PAN3: variants seen among roughly 807,000 people sequenced by gnomAD.
PAN3 encodes the protein poly(A) specific ribonuclease subunit PAN3.
PAN3 carries 19 observed loss-of-function variants against 96.2 expected under a neutral mutation model. The observed-to-expected ratio is 0.20, with a 90% CI of 0.14 to 0.29. The LOEUF (loss-of-function observed/expected upper bound fraction) is 0.29, where lower values mean the gene tolerates loss of function less well. PAN3 is among the 10% of genes least tolerant of loss of function. The probability of loss-of-function intolerance (pLI) is 1.00; values close to 1 mark genes in which losing one functional copy is unlikely to be tolerated. For missense variants in PAN3, 882 were observed against 1,108.1 expected, an observed-to-expected ratio of 0.80 and a Z score of 2.90; for synonymous variants, 433 against 406.6, an observed-to-expected ratio of 1.06 and a Z score of -0.78.
intron 12 of PAN3, among the ~76,000 whole-genome samples, chr13:28,268,006 T>C (rs925840777): frequency 6.6e-6 from 1 of 152,226 alleles, no homozygotes; most frequent in African/African-American, 2.4e-5. Flanking sequence ...CACATAGATA[T>C]CAGATATTTA....
intron 5 of PAN3, chr13:28,215,431 A>C: frequency 1.4e-6 from 1 of 705,002 alleles, no homozygotes; most frequent in Non-Finnish European, 2.6e-6. Flanking sequence ...TGGAGACATT[A>C]TGGGCTTCAA....
chr13:28,185,590 G>A (rs1285168876), intron 4 of PAN3, among the ~76,000 whole-genome samples: 3 of 152,058 alleles, frequency 2.0e-5, no homozygotes, highest in Non-Finnish European at 4.4e-5. Flanking sequence ...GAGCTCTCAT[G>A]AGTTTGTTTT....
chr13:28,262,316 T>C (rs1331751745), intron 9 of PAN3, among the ~76,000 whole-genome samples: 1 of 152,236 alleles, frequency 6.6e-6, no homozygotes, highest in African/African-American at 2.4e-5. Flanking sequence ...TTACTCTGTA[T>C]AAATGAAATA....
intron 17 of PAN3, among the ~76,000 whole-genome samples, chr13:28,282,176 A>G (rs891743640): frequency 1.5e-4 from 23 of 152,196 alleles, no homozygotes; most frequent in Non-Finnish European, 2.9e-4. Context: ...AGTTAATGTT[A>G]ACCATATATA....
chr13:28,202,456 C>T (rs1878842780), intron 5 of PAN3, among the ~76,000 whole-genome samples: 1 of 152,086 alleles, frequency 6.6e-6, no homozygotes, highest in Admixed American at 6.5e-5. Context: ...TTTATCTCTT[C>T]ATATCCATCC....
At chr13:28,252,282 A>G (rs1566229711) in intron 6 of PAN3, among the ~76,000 whole-genome samples, 1 of 142,332 alleles carries the variant, frequency 7.0e-6, no homozygotes, top group Non-Finnish European at 1.5e-5. Context: ...TAACATTGGT[A>G]GGGGTTGAGG....
chr13:28,277,992 TG>T (rs1887194227), intron 15 of PAN3, among the ~76,000 whole-genome samples: 1 of 152,052 alleles, frequency 6.6e-6, no homozygotes, highest in Non-Finnish European at 1.5e-5. Context: ...TGTGGACTAC[TG>T]TCACAACAGA....
intron 8 of PAN3, 51 bp from the exon 9 acceptor site, chr13:28,261,350 C>T (rs746590890): frequency 4.6e-6 from 6 of 1,310,832 alleles, no homozygotes; most frequent in Admixed American, 4.2e-5. Flanking sequence ...ATAGGAATTC[C>T]AGGTTTCAGA....
At chr13:28,194,763 C>G (rs142656130) in intron 4 of PAN3, among the ~76,000 whole-genome samples, 1,558 of 152,096 alleles carry the variant, frequency 0.01, 24 homozygotes, top group African/African-American at 0.035. Flanking sequence ...AGCCACCGTT[C>G]CCGGCCAAAT....
intron 5 of PAN3, chr13:28,214,913 T>C: frequency 8.7e-7 from 1 of 1,152,644 alleles, no homozygotes. Flanking sequence ...ATGGGCAGGC[T>C]GGCGACCATG....
intron 4 of PAN3, among the ~76,000 whole-genome samples, chr13:28,182,663 C>T (rs981113518): frequency 6.6e-6 from 1 of 152,098 alleles, no homozygotes; most frequent in African/African-American, 2.4e-5. Flanking sequence ...CCAAAGGGAG[C>T]TGGCTGGTTC....
At chr13:28,233,348 C>T (rs931230981) in intron 6 of PAN3, among the ~76,000 whole-genome samples, 1 of 151,118 alleles carries the variant, frequency 6.6e-6, no homozygotes, top group Non-Finnish European at 1.5e-5. Context: ...CTCACTGCAA[C>T]CTTGGCCTCC....
chr13:28,173,142 A>G (rs570189056), intron 1 of PAN3, among the ~76,000 whole-genome samples: 1 of 152,218 alleles, frequency 6.6e-6, no homozygotes, highest in African/African-American at 2.4e-5. Context: ...GTTAATTTAT[A>G]GCTACTTACG....
chr13:28,209,767 G>T (rs776040238), intron 5 of PAN3, among the ~76,000 whole-genome samples: 5 of 151,488 alleles, frequency 3.3e-5, no homozygotes, highest in African/African-American at 4.9e-5. Flanking sequence ...CTGCCTGCCT[G>T]CCTGCCTTTC....
chr13:28,154,606 C>T (rs756426892), intron 1 of PAN3, among the ~76,000 whole-genome samples: 8 of 151,926 alleles, frequency 5.3e-5, no homozygotes, highest in South Asian at 2.1e-4. Context: ...GTGAGTCTCC[C>T]GCCTCAGCCT....
At chr13:28,282,097 A>G (rs1057469656) in intron 17 of PAN3, among the ~76,000 whole-genome samples, 3 of 152,102 alleles carry the variant, frequency 2.0e-5, no homozygotes, top group South Asian at 2.1e-4. Flanking sequence ...TTTTATAGCC[A>G]TCATATAAGT....
At chr13:28,182,940 C>T (rs17086369) in intron 4 of PAN3, among the ~76,000 whole-genome samples, 44,346 of 151,968 alleles carry the variant, frequency 0.29, 9,238 homozygotes, top group African/African-American at 0.59. Context: ...CTAAAGTCTT[C>T]CTTTGAAAAA....
At position 28,200,360 on chromosome 13, in the gene PAN3, T is replaced by C. The variant is rs45516400; in HGVS notation, c.852+3014T>C. Among the ~76,000 whole-genome samples, 1,043 of 152,354 alleles carry C rather than the reference T, an allele frequency of 6.8e-3. 11 individuals carry two copies. Among genetic ancestry groups the C allele is most frequent in the African/African-American group, 0.024 (1,009 of 41,592 alleles). On this transcript the variant is annotated intron_variant, in intron 5 of 18. Coordinates refer to ENST00000380958, the MANE Select transcript of PAN3 (RefSeq NM_175854.8). Reference sequence around the variant, plus strand: ...TCTTTCTGGAACTTTAAACATTCCTTTACGTTCATTTCTTAATCTTGACCT... The same window carrying C: ...TCTTTCTGGAACTTTAAACATTCCTCTACGTTCATTTCTTAATCTTGACCT...
chr13:28,208,816 A>G (rs1879683310), intron 5 of PAN3, among the ~76,000 whole-genome samples: 1 of 152,200 alleles, frequency 6.6e-6, no homozygotes, highest in Non-Finnish European at 1.5e-5. Context: ...TGTACAATCC[A>G]TGTGAATTCT....
Sources: allele counts gnomAD v4.1 joint callset (sites outside exome capture counted in the v4.1 genomes callset), GRCh38; gene constraint gnomAD v4.1.1; transcripts MANE v1.5; gene names NCBI Gene and HGNC (gene_info 2026-07-23, HGNC 2026-07-21).